PCDHGA2: variants seen among roughly 807,000 people sequenced by gnomAD.
The protein encoded by PCDHGA2 is protocadherin gamma-A2.
A neutral mutation model predicts 59.2 loss-of-function variants in PCDHGA2; 40 were observed. The ratio of observed to expected loss-of-function variants is 0.68; its 90% CI spans 0.52 to 0.88. The LOEUF (loss-of-function observed/expected upper bound fraction) is 0.88, where lower values mean the gene tolerates loss of function less well. PCDHGA2 is among the 40% of genes least tolerant of loss of function. The probability of loss-of-function intolerance (pLI) is 0.00; values close to 1 mark genes in which losing one functional copy is unlikely to be tolerated. For missense variants in PCDHGA2, 1,226 were observed against 1,204.0 expected (o/e 1.02, Z -0.27); for synonymous variants, 560 against 526.0 (o/e 1.06, Z -0.89).
intron 1 of PCDHGA2, chr5:141,478,633 T>C: frequency 6.4e-7 from 1 of 1,553,032 alleles, no homozygotes; most frequent in Non-Finnish European, 8.7e-7. Context: ...GTTTTTTTAG[T>C]GATGAAGATG....
At chr5:141,344,268 C>G in intron 1 of PCDHGA2, 5 of 1,614,068 alleles carry the variant, frequency 3.1e-6, no homozygotes, top group Non-Finnish European at 4.2e-6. Flanking sequence ...CTCTCTGAAT[C>G]CGCAAAGCGG....
At position 141,477,576 on chromosome 5, in the gene PCDHGA2, C is replaced by A; in HGVS notation, c.2425-17231C>A. The A allele has an allele frequency of 6.2e-7, 1 of 1,614,162 alleles. No homozygotes were observed. The highest frequency in any genetic ancestry group is 8.5e-7 in the Non-Finnish European group (1 of 1,180,026). On this transcript the variant is annotated intron_variant, in intron 1 of 3. Transcript: ENST00000394576. The surrounding 1 kb of genome is among the most constrained non-coding windows in gnomAD (Gnocchi z 4.9). ...CTAAGTGTCTGGGACCCCGACGCCC[C>A]GCAGAATGCTCGGCTTTCTTTCTTT...
chr5:141,388,541 T>C, intron 1 of PCDHGA2: 1 of 1,613,800 alleles, frequency 6.2e-7, no homozygotes, highest in Non-Finnish European at 8.5e-7. Flanking sequence ...ACTTTGGAGC[T>C]CCACCCCTAA....
At chr5:141,415,524 C>G in intron 1 of PCDHGA2, 1 of 1,614,154 alleles carries the variant, frequency 6.2e-7, no homozygotes, top group Non-Finnish European at 8.5e-7. Context: ...CGGACACGCT[C>G]ATCAGCCAGG....
At position 141,340,334 on chromosome 5, in the gene PCDHGA2, A is replaced by C; in HGVS notation, c.1363A>C (p.Thr455Pro). The C allele has an allele frequency of 6.2e-7, 1 of 1,614,060 alleles. No homozygotes were observed. The highest frequency in any genetic ancestry group is 8.5e-7 in the Non-Finnish European group (1 of 1,180,020). ...INDNAPAFSR[T>P]SYSTYIPENN... ...CGACAACGCACCCGCCTTCTCCCGC[A>C]CATCCTACTCCACCTACATTCCCGA... Residue 455 changes from threonine (T) to proline (P), a missense_variant, in exon 1 of 4, where the codon ACA becomes CCA. Physicochemically the swap from Thr to Pro is conservative, Grantham distance 38. Coordinates refer to ENST00000394576, the MANE Select transcript of PCDHGA2 (RefSeq NM_018915.4).
chr5:141,409,881 C>T (rs2095330257), intron 1 of PCDHGA2: 1 of 1,612,978 alleles, frequency 6.2e-7, no homozygotes, highest in Non-Finnish European at 8.5e-7. Context: ...GACAACGCAC[C>T]GCGGGTGCTG....
chr5:141,390,437 T>C (rs1182289355), intron 1 of PCDHGA2: 42 of 933,186 alleles, frequency 4.5e-5, no homozygotes, highest in Non-Finnish European at 6.5e-5. Flanking sequence ...CATATCATTC[T>C]ACAAAGGAGG....
chr5:141,339,707 G>A lies in PCDHGA2; in HGVS notation c.736G>A (p.Glu246Lys), dbSNP rs894686520. Residue 246 changes from glutamate to lysine, a missense_variant, in exon 1 of 4, where the codon GAG becomes AAG. Glu to Lys is a moderately conservative substitution (Grantham distance 56). Coordinates refer to ENST00000394576, the MANE Select transcript of PCDHGA2 (RefSeq NM_018915.4). ...NDNAPVFTQP[E>K]YRISIPENTL... ...CAATGCGCCTGTTTTTACACAGCCC[G>A]AGTACCGCATAAGCATTCCGGAGAA... is the stretch of plus-strand genomic sequence containing the variant. 6.2e-7 allele frequency: 1 copy of A among 1,614,142 alleles called. No individual in the cohort carries two copies. The highest frequency in any genetic ancestry group is 1.3e-5 in the African/African-American group (1 of 75,032).
At chr5:141,347,137 C>CTCTTTCTTTCTT (rs70988799) in intron 1 of PCDHGA2, among the ~76,000 whole-genome samples, 9,672 of 113,750 alleles carry the variant, frequency 0.085, 721 homozygotes, top group Non-Finnish European at 0.092. Flanking sequence ...CTCTGTTTCT[C>CTCTTTCTTTCTT]TCTTTCTTTC....
intron 1 of PCDHGA2, among the ~76,000 whole-genome samples, chr5:141,469,187 G>T (rs147209381): frequency 5.9e-5 from 9 of 151,588 alleles, no homozygotes; most frequent in African/African-American, 1.9e-4. Context: ...GAGGCAAGAG[G>T]ATTGCTTGAG....
intron 1 of PCDHGA2, chr5:141,408,498 G>A (rs934521153): frequency 1.7e-5 from 27 of 1,613,634 alleles, no homozygotes; most frequent in Non-Finnish European, 2.3e-5. Flanking sequence ...TGCAAAGAGA[G>A]AAGAAGATGT....
chr5:141,341,369 G>C lies in PCDHGA2; in HGVS notation c.2398G>C (p.Glu800Gln), dbSNP rs200292110. The C allele has an allele frequency of 1.1e-4, 173 of 1,614,236 alleles. 1 individual carries two copies. The South Asian group carries it at 1.6e-3, about 15-fold the overall frequency. The change falls in exon 1 of 4, where the codon GAA becomes CAA. Residue 800 changes from glutamate (E) to glutamine (Q), a missense_variant. Glu to Gln is a conservative substitution (Grantham distance 29). Coordinates refer to ENST00000394576, the MANE Select transcript of PCDHGA2 (RefSeq NM_018915.4). ...FLSAPQSLLE[E>Q]EREETFSQQA... ...ATCAGCGCCTCAATCTCTACTCGAA[G>C]AAGAAAGAGAAGAAACGTTTTCTCA...
At position 141,448,695 on chromosome 5, in the gene PCDHGA2, C is replaced by T. The variant is rs535473305; in HGVS notation, c.2425-46112C>T. 2.7e-4 allele frequency among the ~76,000 whole-genome samples: 41 copies of T among 152,246 alleles called. No homozygotes were observed. In the South Asian group the frequency reaches 8.5e-3, roughly 32 times the overall value. On this transcript the variant is annotated intron_variant, in intron 1 of 3. Coordinates refer to ENST00000394576, the MANE Select transcript of PCDHGA2 (RefSeq NM_018915.4). Reference sequence around the variant, plus strand: ...GTGGCTCACGCCTGTAATCGCAGCACTTTGGGAGGCCGAGGCGGGAGGATC... The same window carrying T: ...GTGGCTCACGCCTGTAATCGCAGCATTTTGGGAGGCCGAGGCGGGAGGATC...
At chr5:141,497,464 T>G (rs1277760390) in intron 2 of PCDHGA2, among the ~76,000 whole-genome samples, 1 of 151,764 alleles carries the variant, frequency 6.6e-6, no homozygotes, top group Non-Finnish European at 1.5e-5. Flanking sequence ...CTTGGAGATA[T>G]GGAGGAGAAG....
rs776292365 is a variant in PCDHGA2 at position 141,340,537 on chromosome 5, T to G, written c.1566T>G (p.Tyr522Ter). 1 of 1,614,246 alleles carries G rather than the reference T, an allele frequency of 6.2e-7. No homozygotes were observed. Among genetic ancestry groups the G allele is most frequent in the Non-Finnish European group, 8.5e-7 (1 of 1,180,036 alleles). The part of the protein sequence containing the change: ...GVLYALRSFD[Y>*]EQLRDLQVWV... Reference sequence around the variant, plus strand: ...TCTATGCACTGCGCTCCTTTGATTATGAGCAGTTGCGAGACTTGCAAGTGT... The same window carrying G: ...TCTATGCACTGCGCTCCTTTGATTAGGAGCAGTTGCGAGACTTGCAAGTGT... The change falls in exon 1 of 4, where the codon TAT becomes TAG. Residue 522 changes from tyrosine to a stop codon, truncating the protein, a stop_gained. Transcript: ENST00000394576. LOFTEE classifies it high-confidence loss of function.
Position 141,376,575 on chromosome 5 carries a change from C to T in PCDHGA2, c.2424+35180C>T, listed in dbSNP as rs149813666. ...CCCGCAACCCAACTAATCAGACAGG[C>T]TCATCAGCTAGATCGGCTGTTATAG... On this transcript the variant is annotated intron_variant, in intron 1 of 3. Transcript: ENST00000394576. 4.5e-5 allele frequency: 72 copies of T among 1,597,700 alleles called. No individual in the cohort carries two copies. The East Asian group carries it at 1.4e-3, about 32-fold the overall frequency.
At chr5:141,408,667 C>G in intron 1 of PCDHGA2, 1 of 1,613,954 alleles carries the variant, frequency 6.2e-7, no homozygotes, top group Non-Finnish European at 8.5e-7. Context: ...TATCGCTTGA[C>G]CCTGCCACGG....
At chr5:141,376,354 C>G in intron 1 of PCDHGA2, 1 of 1,614,208 alleles carries the variant, frequency 6.2e-7, no homozygotes, top group South Asian at 1.1e-5. Context: ...CCCACGAGGT[C>G]TCACTCACTG....
At chr5:141,374,258 T>G (rs1770318137) in intron 1 of PCDHGA2, 2 of 1,613,806 alleles carry the variant, frequency 1.2e-6, no homozygotes, top group African/African-American at 1.3e-5. Flanking sequence ...GCCCCAGGAG[T>G]TGGCGGAGCA....
Sources: gnomAD v4.1 joint callset for allele counts (sites outside exome capture counted in the v4.1 genomes callset) on GRCh38, gnomAD v4.1.1 for gene constraint, Gnocchi (gnomAD v3.1) non-coding constraint, MANE v1.5 for transcripts, NCBI Gene and HGNC (gene_info 2026-07-23, HGNC 2026-07-21) for gene names.